The following LRP2 variants were observed in gnomAD, a reference collection of about 807,000 sequenced individuals.
LRP2 encodes the protein LDL receptor related protein 2.
A neutral mutation model predicts 531.0 loss-of-function variants in LRP2; 172 were observed. The observed-to-expected ratio is 0.32, with a 90% CI of 0.29 to 0.37. The LOEUF (loss-of-function observed/expected upper bound fraction) is 0.37. Among genes scored for constraint, LRP2 ranks in the 10% least tolerant of loss-of-function variants. The probability of loss-of-function intolerance (pLI) is 1.00; values close to 1 mark genes in which losing one functional copy is unlikely to be tolerated. For synonymous variants in LRP2, 1,992 were observed against 2,027.6 expected (o/e 0.98, Z 0.47); for missense variants, 5,167 against 5,868.3 (o/e 0.88, Z 3.90).
intron 48 of LRP2, among the ~76,000 whole-genome samples, chr2:169,188,850 G>A (rs969408728): frequency 1.1e-4 from 17 of 152,074 alleles, no homozygotes; most frequent in Admixed American, 1.0e-3. Context: ...CTGGAATAAC[G>A]TTTACATTGT....
At chr2:169,351,994 A>G (rs76911681) in intron 1 of LRP2, among the ~76,000 whole-genome samples, 3,754 of 152,314 alleles carry the variant, frequency 0.025, 53 homozygotes, top group Middle Eastern at 0.034. Context: ...GTAAGTCCCA[A>G]TGAGGTCAAC....
rs775830244 is a variant in LRP2, at chr2:169,259,125, A to G, written c.2413T>C (p.Tyr805His). The change falls in exon 17 of 79, where the codon TAC becomes CAC. Residue 805 changes from tyrosine (Y) to histidine (H), a missense_variant. Coordinates refer to ENST00000649046, the MANE Select transcript of LRP2 (RefSeq NM_004525.3). ...AGCCTCATGACACTGATACTCTTGT[A>G]ATGAGAGTCTGTCCAATAGAGATTC... ...SKNLYWTDSH[Y>H]KSISVMRLAD... 1.2e-6 allele frequency: 2 copies of G among 1,612,384 alleles called. No homozygotes were observed. The highest frequency in any genetic ancestry group is 2.7e-5 in the African/African-American group (2 of 74,850).
Position 169,146,793 on chromosome 2 carries a change from C to T in LRP2, c.12757G>A (p.Val4253Ile), listed in dbSNP as rs760760318. 8 of 1,614,020 alleles carry T rather than the reference C, an allele frequency of 5.0e-6. No homozygotes were observed. The highest frequency in any genetic ancestry group is 5.9e-6 in the Non-Finnish European group (7 of 1,179,994). ...CCATCATATTTTATGGTTTCAATAA[C>T]GTCCTCCTTGAAGTCACTCCAGTAG... ...RIYWSDFKED[V>I]IETIKYDGTD... Residue 4253 changes from valine (V) to isoleucine (I), a missense_variant, in exon 69 of 79, where the codon GTT (valine) becomes ATT (isoleucine). By Grantham distance (29) the Val-to-Ile change is conservative (BLOSUM62 3). Coordinates refer to ENST00000649046, the MANE Select transcript of LRP2 (RefSeq NM_004525.3).
At chr2:169,359,732 A>T (rs1686093097) in intron 1 of LRP2, among the ~76,000 whole-genome samples, 1 of 152,216 alleles carries the variant, frequency 6.6e-6, no homozygotes, top group Admixed American at 6.5e-5. Flanking sequence ...GTTATGAAGC[A>T]GCAGGTGGTA....
At chr2:169,293,649 C>A (rs1684059647) in intron 6 of LRP2, among the ~76,000 whole-genome samples, 1 of 150,924 alleles carries the variant, frequency 6.6e-6, no homozygotes, top group South Asian at 2.1e-4. Context: ...TACTCCAGCC[C>A]AGGCAACAAA....
At chr2:169,170,713 A>G in intron 58 of LRP2, 46 bp from the exon 59 acceptor site, 1 of 1,315,454 alleles carries the variant, frequency 7.6e-7, no homozygotes, top group Non-Finnish European at 1.1e-6. Context: ...CAGGAATCAC[A>G]TACAGGAGAC....
At chr2:169,357,977 T>G (rs1291979159) in intron 1 of LRP2, among the ~76,000 whole-genome samples, 2 of 152,104 alleles carry the variant, frequency 1.3e-5, no homozygotes, top group African/African-American at 4.8e-5. Flanking sequence ...GGAGGTATGG[T>G]CTTTGGGAGT....
At chr2:169,352,459 G>A (rs979535439) in intron 1 of LRP2, among the ~76,000 whole-genome samples, 3 of 152,262 alleles carry the variant, frequency 2.0e-5, no homozygotes, top group East Asian at 3.9e-4. Context: ...GAAGAAATTT[G>A]CAGTGGTAAG....
chr2:169,304,275 CCTT>C (rs1317325973), intron 4 of LRP2, among the ~76,000 whole-genome samples: 2 of 152,112 alleles, frequency 1.3e-5, no homozygotes, highest in African/African-American at 2.4e-5. Context: ...AGGACTTTCT[CCTT>C]CTGTAAATAA....
chr2:169,329,571 T>C (rs529987139), intron 1 of LRP2, among the ~76,000 whole-genome samples: 4 of 152,254 alleles, frequency 2.6e-5, no homozygotes, highest in African/African-American at 9.6e-5. Flanking sequence ...AATAACTGCA[T>C]TAAAAGTGAA....
chr2:169,297,564 C>A (rs1684165697), intron 4 of LRP2, among the ~76,000 whole-genome samples: 5 of 152,166 alleles, frequency 3.3e-5, no homozygotes, highest in African/African-American at 1.2e-4. Flanking sequence ...CCACTCCTTG[C>A]TTCCCCTTTC....
chr2:169,189,579 C>A (rs1687759012), intron 48 of LRP2, among the ~76,000 whole-genome samples: 1 of 152,148 alleles, frequency 6.6e-6, no homozygotes, highest in South Asian at 2.1e-4. Flanking sequence ...TGTCACCCCT[C>A]AGTCTTATCA....
chr2:169,212,743 G>A (rs992489573), intron 36 of LRP2, among the ~76,000 whole-genome samples: 3 of 143,314 alleles, frequency 2.1e-5, no homozygotes, highest in African/African-American at 5.0e-5. Context: ...GCCTAAGAAT[G>A]ATACAATGGA....
rs142522097 is a variant in LRP2 at position 169,256,716 on chromosome 2, G to A, written c.2639+408C>T. ...TCCCAAAGTGCATGTAAGCAAAGGT[G>A]CATTTGTTGATTAATTGACTCCAAA... On this transcript the variant is annotated intron_variant, in intron 18 of 78. Coordinates refer to ENST00000649046, the MANE Select transcript of LRP2 (RefSeq NM_004525.3). 6.7e-3 allele frequency among the ~76,000 whole-genome samples: 1,023 copies of A among 152,134 alleles called. 5 individuals are homozygous for A. The highest frequency in any genetic ancestry group is 0.031 in the Middle Eastern group (9 of 294).
intron 13 of LRP2, 46 bp from the exon 14 acceptor site, chr2:169,275,284 T>C (rs1340925432): frequency 1.4e-6 from 2 of 1,471,694 alleles, no homozygotes; most frequent in African/African-American, 2.8e-5. Flanking sequence ...TTAGTTTTGC[T>C]TTATTATAAT....
At position 169,188,270 on chromosome 2, in the gene LRP2, A is replaced by T. The variant is rs1687702953; in HGVS notation, c.9033-5T>A. 6.2e-7 allele frequency: 1 copy of T among 1,613,996 alleles called. No individual in the cohort carries two copies. The highest frequency in any genetic ancestry group is 8.5e-7 in the Non-Finnish European group (1 of 1,180,000). ...CAGTCATTGTGCCGGTCACACCTGT[A>T]TCATGAGATCCAGTACCACTTTCAG... On this transcript the variant is annotated splice_polypyrimidine_tract_variant and splice_region_variant and intron_variant, in intron 48 of 78. Transcript: ENST00000649046.
Position 169,188,034 on chromosome 2 carries a change from G to A in LRP2, c.9264C>T (p.Ile3088=), listed in dbSNP as rs143637076. 1.8e-5 allele frequency: 29 copies of A among 1,614,030 alleles called. No individual in the cohort carries two copies. The highest frequency in any genetic ancestry group is 5.3e-5 in the African/African-American group (4 of 74,980). The part of the protein sequence containing the change: ...HEFKCDNGRC[I]EMMKLCNHLD... ...GGTGGTTGCAGAGTTTCATCATCTC[G>A]ATGCAGCGCCCATTGTCACACTTGA... The change falls in exon 49 of 79, where the codon ATC becomes ATT. Residue 3088 remains isoleucine (I), a synonymous_variant. Coordinates refer to ENST00000649046, the MANE Select transcript of LRP2 (RefSeq NM_004525.3).
intron 1 of LRP2, among the ~76,000 whole-genome samples, chr2:169,338,964 A>G (rs1461309020): frequency 6.6e-6 from 1 of 152,176 alleles, no homozygotes; most frequent in African/African-American, 2.4e-5. Flanking sequence ...CTTACTCATA[A>G]CATTAATATG....
chr2:169,214,011 T>C, intron 35 of LRP2, 141 bp from the exon 36 acceptor site: 2 of 681,292 alleles, frequency 2.9e-6, no homozygotes, highest in Non-Finnish European at 5.2e-6. Flanking sequence ...TTCTATTTTC[T>C]GATTTGATCA....
Sources: gnomAD v4.1 joint callset for allele counts (sites outside exome capture counted in the v4.1 genomes callset) on GRCh38, gnomAD v4.1.1 for gene constraint, MANE v1.5 for transcripts, NCBI Gene and HGNC (gene_info 2026-07-23, HGNC 2026-07-21) for gene names.